AFDN: variants seen among roughly 807,000 people sequenced by gnomAD.
AFDN encodes afadin, adherens junction formation factor.
AFDN carries 68 observed loss-of-function variants against 216.6 expected under a neutral mutation model. That is an observed-to-expected ratio of 0.31 (90% CI 0.26 to 0.38). The LOEUF (loss-of-function observed/expected upper bound fraction) is 0.38, where lower values mean the gene tolerates loss of function less well. Ranked by LOEUF, AFDN falls within the 10% of genes least tolerant of loss-of-function variation. AFDN has a pLI of 1.00. For synonymous variants in AFDN, 868 were observed against 853.7 expected (o/e 1.02, Z -0.29); for missense variants, 2,136 against 2,342.0 (o/e 0.91, Z 1.82).
At chr6:167,910,253 T>C (rs550349718) in intron 13 of AFDN, among the ~76,000 whole-genome samples, 52 of 152,310 alleles carry the variant, frequency 3.4e-4, no homozygotes, top group African/African-American at 1.2e-3. Context: ...CACATACAAA[T>C]GTGTATTCAA....
chr6:167,858,030 T>A (rs2128206345), intron 1 of AFDN, among the ~76,000 whole-genome samples: 2 of 152,338 alleles, frequency 1.3e-5, no homozygotes, highest in South Asian at 4.1e-4. Flanking sequence ...TAATTGATTA[T>A]CTTTCAAATT....
At chr6:167,871,322 A>G (rs1175812851) in intron 3 of AFDN, among the ~76,000 whole-genome samples, 1 of 152,294 alleles carries the variant, frequency 6.6e-6, no homozygotes, top group Non-Finnish European at 1.5e-5. Flanking sequence ...TTGTTTTGCT[A>G]TACATGTTTT....
At chr6:167,950,774 CAGG>C (rs1795878197) in intron 29 of AFDN, among the ~76,000 whole-genome samples, 1 of 151,636 alleles carries the variant, frequency 6.6e-6, no homozygotes, top group Non-Finnish European at 1.5e-5. Context: ...GCTGGGCACA[CAGG>C]AGGGTGAGGA....
chr6:167,835,444 T>C (rs1297835959), intron 1 of AFDN, among the ~76,000 whole-genome samples: 2 of 151,976 alleles, frequency 1.3e-5, no homozygotes, highest in Non-Finnish European at 2.9e-5. Context: ...CTCATATACT[T>C]TTTTTTTGAG....
intron 1 of AFDN, among the ~76,000 whole-genome samples, chr6:167,841,551 C>T (rs1350523869): frequency 6.6e-6 from 1 of 152,094 alleles, no homozygotes; most frequent in East Asian, 1.9e-4. Flanking sequence ...GAAAGTGTCA[C>T]CTACTAAACT....
chr6:167,870,378 T>G lies in AFDN; in HGVS notation c.302-8T>G. Reference sequence around the variant, plus strand: ...TTATTCTTTTTTTCATTTCATGTTTTGAAGAAGAAAGAAGATTGGATATAG... The same window carrying G: ...TTATTCTTTTTTTCATTTCATGTTTGGAAGAAGAAAGAAGATTGGATATAG... On this transcript the variant is annotated splice_region_variant and splice_polypyrimidine_tract_variant and intron_variant, in intron 2 of 33. Transcript: ENST00000683244. The G allele has an allele frequency of 1.9e-6, 3 of 1,539,294 alleles. No homozygotes were observed. The South Asian group carries it at 3.5e-5, about 18-fold the overall frequency.
chr6:167,918,148 T>C (rs867627010), intron 20 of AFDN, among the ~76,000 whole-genome samples: 1 of 152,356 alleles, frequency 6.6e-6, no homozygotes, highest in Middle Eastern at 3.4e-3. Context: ...GGTGTGTTCA[T>C]CTTTTTGATC....
In AFDN at chr6:167,915,438, T is replaced by G. The variant is rs3213591; in HGVS notation, c.2565+5T>G. ...CATCTGAGCAGGATCGTGCAGGTGATTGCTGGTGCCACTCCCCAGCTCATG... is the reference window on the plus strand; with the variant it reads ...CATCTGAGCAGGATCGTGCAGGTGAGTGCTGGTGCCACTCCCCAGCTCATG... On this transcript the variant is annotated splice_donor_5th_base_variant and intron_variant, in intron 19 of 33. Coordinates refer to ENST00000683244, the MANE Select transcript of AFDN (RefSeq NM_001386888.1). The G allele has an allele frequency of 0.47, 755,382 of 1,602,946 alleles. 184,876 individuals carry two copies. The highest frequency in any genetic ancestry group is 0.8 in the East Asian group (35,957 of 44,676).
intron 26 of AFDN, 152 bp downstream of exon 26, chr6:167,944,211 A>T (rs542290870): frequency 1.7e-6 from 1 of 590,362 alleles, no homozygotes; most frequent in East Asian, 2.8e-5. Flanking sequence ...AGTGCCTGGG[A>T]TTCCCATGTG....
At chr6:167,915,594 C>T (rs1454415889) in intron 19 of AFDN, among the ~76,000 whole-genome samples, 161 bp downstream of exon 19, 1 of 152,156 alleles carries the variant, frequency 6.6e-6, no homozygotes, top group Non-Finnish European at 1.5e-5. Flanking sequence ...ACTTGGGCTG[C>T]GGTTACAAAG....
At chr6:167,865,578 A>G (rs1784085464) in intron 2 of AFDN, among the ~76,000 whole-genome samples, 1 of 152,178 alleles carries the variant, frequency 6.6e-6, no homozygotes, top group Non-Finnish European at 1.5e-5. Flanking sequence ...GTGCCACTGC[A>G]CTCCACCCTG....
At chr6:167,916,750 C>T (rs964511550) in intron 19 of AFDN, among the ~76,000 whole-genome samples, 12 of 151,662 alleles carry the variant, frequency 7.9e-5, no homozygotes, top group Non-Finnish European at 8.8e-5. Flanking sequence ...AAAGTCAGGA[C>T]GATGAAACTA....
At chr6:167,942,094 T>TG (rs1235188032) in intron 23 of AFDN, among the ~76,000 whole-genome samples, 89 of 152,222 alleles carry the variant, frequency 5.8e-4, no homozygotes, top group East Asian at 1.2e-3. Context: ...TGGTTTGGTT[T>TG]GTTTTTTCCC....
chr6:167,958,875 G>A (rs2128729247), intron 30 of AFDN, among the ~76,000 whole-genome samples: 1 of 152,352 alleles, frequency 6.6e-6, no homozygotes, highest in South Asian at 2.1e-4. Context: ...AAGTCAGACT[G>A]TATTTTGTCT....
chr6:167,946,793 G>T lies in AFDN; in HGVS notation c.3445G>T (p.Glu1149Ter). 6.2e-7 allele frequency: 1 copy of T among 1,613,838 alleles called. No individual in the cohort carries two copies. Among genetic ancestry groups the T allele is most frequent in the Non-Finnish European group, 8.5e-7 (1 of 1,179,910 alleles). The change falls in exon 27 of 34, where the codon GAG (glutamate) becomes TAG (stop). Residue 1149 changes from glutamate to a stop codon, truncating the protein, a stop_gained. Transcript: ENST00000683244. LOFTEE classifies it high-confidence loss of function. ...TAATTCAACTCAAAATGGGTCTCCTGAGAGTCCTCAGCTGCCTTGGGCAGA... is the reference window on the plus strand; with the variant it reads ...TAATTCAACTCAAAATGGGTCTCCTTAGAGTCCTCAGCTGCCTTGGGCAGA... ...YNNSTQNGSP[E>*]SPQLPWAEYS...
chr6:167,826,679 C>G, upstream of AFDN: 2 of 457,338 alleles, frequency 4.4e-6, no homozygotes, highest in South Asian at 1.6e-5. Flanking sequence ...CGGGAAGGAA[C>G]CCGGTACCGC....
intron 30 of AFDN, among the ~76,000 whole-genome samples, chr6:167,956,489 G>C (rs1473770888): frequency 6.6e-6 from 1 of 152,142 alleles, no homozygotes; most frequent in Non-Finnish European, 1.5e-5. Context: ...TCCGACCTGA[G>C]ACGGTAGCAC....
chr6:167,846,432 C>G (rs1781691037), intron 1 of AFDN, among the ~76,000 whole-genome samples: 1 of 151,826 alleles, frequency 6.6e-6, no homozygotes, highest in South Asian at 2.1e-4. Context: ...GTGTTTTTTT[C>G]TGTTTTGGGG....
At chr6:167,935,842 T>TA (rs1180448878) in intron 23 of AFDN, among the ~76,000 whole-genome samples, 1 of 152,150 alleles carries the variant, frequency 6.6e-6, no homozygotes, top group East Asian at 1.9e-4. Flanking sequence ...TATAGTATGG[T>TA]AAAATCTTGT....
Sources: allele counts gnomAD v4.1 joint callset (sites outside exome capture counted in the v4.1 genomes callset), GRCh38; gene constraint gnomAD v4.1.1; transcripts MANE v1.5; gene names NCBI Gene and HGNC (gene_info 2026-07-23, HGNC 2026-07-21).